The following TXK variants were observed in gnomAD, a reference collection of about 807,000 sequenced individuals.
TXK encodes TXK tyrosine kinase, also known as tyrosine-protein kinase TXK.
TXK carries 60 observed loss-of-function variants against 81.0 expected under a neutral mutation model. The observed-to-expected ratio is 0.74, with a 90% confidence interval of 0.60 to 0.92. TXK has a LOEUF of 0.92. Among genes scored for constraint, TXK ranks in the 40% least tolerant of loss-of-function variants. The probability of loss-of-function intolerance (pLI) is 0.00; values close to 1 mark genes in which losing one functional copy is unlikely to be tolerated. For synonymous variants in TXK, 203 were observed against 210.7 expected, an observed-to-expected ratio of 0.96 and a Z score of 0.32; for missense variants, 581 against 638.3, an observed-to-expected ratio of 0.91 and a Z score of 0.97.
intron 5 of TXK, among the ~76,000 whole-genome samples, chr4:48,105,796 G>A (rs1197871943): frequency 6.6e-6 from 1 of 152,052 alleles, no homozygotes; most frequent in Non-Finnish European, 1.5e-5. Flanking sequence ...CACTCACTAA[G>A]CTTCAGTCTC....
chr4:48,132,203 T>C (rs1719263905), intron 1 of TXK, among the ~76,000 whole-genome samples: 1 of 152,210 alleles, frequency 6.6e-6, no homozygotes, highest in African/African-American at 2.4e-5. Flanking sequence ...CTTTGATTGC[T>C]TTAATCTGAT....
chr4:48,099,967 G>A (rs1718124985), intron 6 of TXK, among the ~76,000 whole-genome samples: 1 of 151,716 alleles, frequency 6.6e-6, no homozygotes, highest in African/African-American at 2.4e-5. Context: ...GGCGGATCAC[G>A]AGGTCAGGAG....
At chr4:48,115,692 A>T (rs1577678435) in intron 1 of TXK, among the ~76,000 whole-genome samples, 2 of 151,988 alleles carry the variant, frequency 1.3e-5, no homozygotes, top group East Asian at 3.9e-4. Context: ...ACCCCAAAAA[A>T]CTTTTTAAAA....
At chr4:48,095,102 C>T in intron 7 of TXK, 41 bp downstream of exon 7, 2 of 1,440,026 alleles carry the variant, frequency 1.4e-6, no homozygotes, top group Non-Finnish European at 2.0e-6. Context: ...GAGACTGTGC[C>T]AGGGATTATT....
intron 9 of TXK, among the ~76,000 whole-genome samples, chr4:48,088,539 A>C (rs542858204): frequency 6.6e-6 from 1 of 152,316 alleles, no homozygotes; most frequent in African/African-American, 2.4e-5. Flanking sequence ...TCACAGATGT[A>C]ATGAGGTGAG....
chr4:48,094,335 A>C (rs1717897229), intron 7 of TXK, 131 bp from the exon 8 acceptor site: 3 of 1,023,108 alleles, frequency 2.9e-6, no homozygotes, highest in Non-Finnish European at 4.2e-6. Context: ...AGATTGGCTA[A>C]ATTCAACAAG....
chr4:48,085,334 G>A (rs1206064838), intron 10 of TXK, among the ~76,000 whole-genome samples: 1 of 151,998 alleles, frequency 6.6e-6, no homozygotes, highest in Non-Finnish European at 1.5e-5. Flanking sequence ...TTGGCCACCG[G>A]AGGATGCCCT....
At chr4:48,131,782 T>C (rs1430118089) in intron 1 of TXK, among the ~76,000 whole-genome samples, 2 of 152,228 alleles carry the variant, frequency 1.3e-5, no homozygotes, top group Admixed American at 1.3e-4. Flanking sequence ...CCTGCTGTAA[T>C]TTACAGCATT....
rs1716774350 is a variant in TXK at position 48,070,006 on chromosome 4, T to C, written c.1515+1511A>G. ...TAAAGTAGTTAATATATGTAAAATA[T>C]TTTCATACATTGGGGCTCTCTATAA... is the stretch of plus-strand genomic sequence containing the variant. On this transcript the variant is annotated intron_variant, in intron 14 of 14. Coordinates refer to ENST00000264316, the MANE Select transcript of TXK (RefSeq NM_003328.3). 4.6e-5 allele frequency among the ~76,000 whole-genome samples: 7 copies of C among 152,376 alleles called. No individual in the cohort carries two copies. The South Asian group carries it at 1.4e-3, about 32-fold the overall frequency.
chr4:48,095,743 A>G (rs1391107934), intron 6 of TXK, among the ~76,000 whole-genome samples: 1 of 152,198 alleles, frequency 6.6e-6, no homozygotes, highest in Non-Finnish European at 1.5e-5. Context: ...AAGGAACCAT[A>G]TTAGTTGCAG....
chr4:48,099,044 G>A (rs1439671759), intron 6 of TXK, among the ~76,000 whole-genome samples: 3 of 152,098 alleles, frequency 2.0e-5, no homozygotes, highest in Non-Finnish European at 4.4e-5. Context: ...CTAAGTGAGA[G>A]GCAAAAATTA....
At chr4:48,111,038 T>C (rs551091647) in intron 4 of TXK, among the ~76,000 whole-genome samples, 4 of 152,346 alleles carry the variant, frequency 2.6e-5, no homozygotes, top group African/African-American at 7.2e-5. Flanking sequence ...ACACGCCTTC[T>C]TGTACAGAAG....
At chr4:48,083,139 A>G (rs1164011738) in intron 10 of TXK, among the ~76,000 whole-genome samples, 1 of 152,190 alleles carries the variant, frequency 6.6e-6, no homozygotes, top group Non-Finnish European at 1.5e-5. Context: ...AGCACACTAC[A>G]ACGCAGACCC....
At chr4:48,106,354 C>T (rs1010539473) in intron 5 of TXK, among the ~76,000 whole-genome samples, 1 of 151,016 alleles carries the variant, frequency 6.6e-6, no homozygotes, top group Non-Finnish European at 1.5e-5. Flanking sequence ...TTCAGAATTT[C>T]ATCTATTTAA....
intron 1 of TXK, among the ~76,000 whole-genome samples, chr4:48,121,967 A>AAC (rs367958599): frequency 5.3e-5 from 8 of 151,960 alleles, no homozygotes; most frequent in Non-Finnish European, 1.0e-4. Flanking sequence ...TTAAAACACA[A>AAC]ACACACACAC....
intron 4 of TXK, among the ~76,000 whole-genome samples, chr4:48,111,087 T>C (rs1413096586): frequency 1.3e-5 from 2 of 152,214 alleles, no homozygotes; most frequent in Non-Finnish European, 2.9e-5. Context: ...CGGGAATTGC[T>C]AAGTCACGGG....
intron 12 of TXK, among the ~76,000 whole-genome samples, chr4:48,074,300 C>T (rs572090912): frequency 6.6e-6 from 1 of 152,258 alleles, no homozygotes; most frequent in African/African-American, 2.4e-5. Flanking sequence ...CAAAACATGG[C>T]TCACTGTTTA....
intron 1 of TXK, among the ~76,000 whole-genome samples, chr4:48,128,314 C>T (rs994121624): frequency 2.0e-5 from 3 of 152,096 alleles, no homozygotes; most frequent in African/African-American, 4.8e-5. Context: ...AGGCTTGTTG[C>T]CCAAGCCAGG....
chr4:48,134,157 G>A lies in TXK; in HGVS notation c.14C>T (p.Ser5Phe), dbSNP rs761869733. The A allele has an allele frequency of 1.2e-6, 2 of 1,613,328 alleles. No homozygotes were observed. The highest frequency in any genetic ancestry group is 4.5e-5 in the East Asian group (2 of 44,874). The stretch of plus-strand genomic sequence containing the variant: ...ATGACAAAGCCCATCTTACTCACAG[G>A]AGGAAAGGATCATGGTAGCCCCTTC... Reference protein sequence around the residue: MILSSYNTIQSVFCC... With the variant: MILSFYNTIQSVFCC... The change falls in exon 1 of 15, where the codon TCC becomes TTC. Residue 5 changes from serine (S) to phenylalanine (F), a missense_variant and splice_region_variant. By Grantham distance (155) the Ser-to-Phe change is radical (BLOSUM62 -2). Coordinates refer to ENST00000264316, the MANE Select transcript of TXK (RefSeq NM_003328.3).
Sources: allele counts gnomAD v4.1 joint callset (sites outside exome capture counted in the v4.1 genomes callset), GRCh38; gene constraint gnomAD v4.1.1; transcripts MANE v1.5; gene names NCBI Gene and HGNC (gene_info 2026-07-23, HGNC 2026-07-21).